The following JPT1 variants were observed in gnomAD, a reference collection of about 807,000 sequenced individuals.
The protein encoded by JPT1 is androgen-regulated protein 2.
Under a neutral mutation model 17.0 loss-of-function variants are expected in JPT1, and 5 were observed. The observed-to-expected ratio is 0.29, with a 90% CI of 0.15 to 0.62. The LOEUF is 0.62. JPT1 is among the 20% of genes least tolerant of loss of function. JPT1 has a pLI of 0.85. For missense variants in JPT1, 158 were observed against 188.1 expected (o/e 0.84, Z 0.94); for synonymous variants, 71 against 73.6 (o/e 0.96, Z 0.18).
At chr17:75,152,224 G>A (rs2074565744) in intron 1 of JPT1, among the ~76,000 whole-genome samples, 1 of 152,082 alleles carries the variant, frequency 6.6e-6, no homozygotes, top group Admixed American at 6.6e-5. Context: ...AATCATACAC[G>A]ACAACTAAAT....
rs2074189882 is a variant in JPT1, at chr17:75,136,118, C to G, written c.449G>C (p.Ser150Thr). The change falls in exon 5 of 5, where the codon AGC becomes ACC. Residue 150 changes from serine (S) to threonine (T), a missense_variant. Physicochemically the swap from Ser to Thr is moderately conservative, Grantham distance 58. Transcript: ENST00000409753. The part of the protein sequence containing the change: ...SRRNPPGGKS[S>T]LVLG ...CAGTCAGAGCTAACCCAAGACGAGGCTGGACTTGCCGCCAGGGGGATTTCT... is the reference window on the plus strand; with the variant it reads ...CAGTCAGAGCTAACCCAAGACGAGGGTGGACTTGCCGCCAGGGGGATTTCT... The G allele has an allele frequency of 6.2e-7, 1 of 1,614,224 alleles. No individual in the cohort carries two copies. Among genetic ancestry groups the G allele is most frequent in the East Asian group, 2.2e-5 (1 of 44,888 alleles).
Position 75,136,261 on chromosome 17 carries a change from A to G in JPT1, c.317-11T>C. ...CTGTGTCCACATTTTCTATGAAAACAGGGAATAGAAATAATACTCATAATG... is the reference window on the plus strand; with the variant it reads ...CTGTGTCCACATTTTCTATGAAAACGGGGAATAGAAATAATACTCATAATG... On this transcript the variant is annotated splice_polypyrimidine_tract_variant and intron_variant, in intron 4 of 4. Transcript: ENST00000409753. 2 of 1,567,898 alleles carry G rather than the reference A, an allele frequency of 1.3e-6. No individual in the cohort carries two copies. Among genetic ancestry groups the G allele is most frequent in the African/African-American group, 1.4e-5 (1 of 73,350 alleles).
rs1294633749 is a variant in JPT1 at position 75,154,453 on chromosome 17, C to A, written c.-56G>T. Reference sequence around the variant, plus strand: ...GAGCAGAACGCTCAAAGGGTCGGACCCGAGGGGCGCTGGGAAACTCCACAC... The same window carrying A: ...GAGCAGAACGCTCAAAGGGTCGGACACGAGGGGCGCTGGGAAACTCCACAC... On this transcript the variant is annotated 5_prime_UTR_variant, in exon 1 of 5. Transcript: ENST00000409753. The A allele has an allele frequency of 2.8e-5, 42 of 1,497,506 alleles. No homozygotes were observed. The highest frequency in any genetic ancestry group is 3.4e-5 in the Non-Finnish European group (38 of 1,110,400). 92.8% of individuals were successfully genotyped at this position (1,497,506 alleles called of 1,614,324 possible). A position where few individuals can be genotyped will look rare whatever the true frequency, so the allele number is the denominator to read the frequency against.
At chr17:75,147,199 G>A (rs2074456415) in intron 3 of JPT1, among the ~76,000 whole-genome samples, 1 of 151,400 alleles carries the variant, frequency 6.6e-6, no homozygotes, top group Non-Finnish European at 1.5e-5. Flanking sequence ...GTATTCAACT[G>A]CAGACACAAC....
chr17:75,142,401 A>G (rs76586607), intron 4 of JPT1, among the ~76,000 whole-genome samples: 2 of 146,844 alleles, frequency 1.4e-5, no homozygotes, highest in African/African-American at 5.0e-5. Context: ...CTCTACTAAT[A>G]AAAAAAAAAT....
intron 1 of JPT1, chr17:75,153,710 TG>T (rs2074588951): frequency 6.6e-6 from 1 of 152,360 alleles, no homozygotes; most frequent in South Asian, 2.1e-4. Context: ...GAAGAACGAT[TG>T]GGTCCTCAAT....
intron 4 of JPT1, among the ~76,000 whole-genome samples, chr17:75,141,900 C>CTATTTT (rs1378399917): frequency 1.3e-5 from 2 of 151,866 alleles, no homozygotes; most frequent in African/African-American, 4.8e-5. Context: ...GAAACTCCGT[C>CTATTTT]TCTACTAAAA....
intron 2 of JPT1, chr17:75,148,042 A>T (rs2074475217): frequency 4.4e-6 from 1 of 227,370 alleles, no homozygotes; most frequent in Non-Finnish European, 8.8e-6. Context: ...AATTGACGTT[A>T]TGTGTTAGTC....
intron 4 of JPT1, among the ~76,000 whole-genome samples, chr17:75,140,332 C>A (rs1054983998): frequency 6.6e-6 from 1 of 151,530 alleles, no homozygotes; most frequent in Admixed American, 6.6e-5. Flanking sequence ...ACATTTTAGA[C>A]ACTCCTGGTC....
intron 4 of JPT1, 115 bp downstream of exon 4, chr17:75,146,551 G>C: frequency 1.4e-6 from 1 of 715,446 alleles, no homozygotes; most frequent in Non-Finnish European, 2.4e-6. Context: ...GGCACTTGGG[G>C]CATGGCCAGG....
chr17:75,137,528 G>GTT (rs1555650493), intron 4 of JPT1, among the ~76,000 whole-genome samples: 3,168 of 133,122 alleles, frequency 0.024, 115 homozygotes, highest in African/African-American at 0.1. Context: ...GGCTATTTTT[G>GTT]TTTTTTTTTT....
intron 1 of JPT1, chr17:75,154,116 C>T (rs1161511019): frequency 3.9e-6 from 1 of 254,254 alleles, no homozygotes; most frequent in Non-Finnish European, 7.3e-6. Flanking sequence ...GCCCCTGACT[C>T]CGTGGAAGGA....
intron 1 of JPT1, among the ~76,000 whole-genome samples, chr17:75,151,741 G>A (rs1358220639): frequency 3.3e-5 from 5 of 152,084 alleles, no homozygotes; most frequent in Admixed American, 6.6e-5. Flanking sequence ...AGGCCGAGGC[G>A]GGCGGATCAC....
intron 2 of JPT1, chr17:75,147,903 G>A (rs1156482617): frequency 9.6e-6 from 4 of 418,046 alleles, no homozygotes; most frequent in African/African-American, 7.9e-5. Flanking sequence ...GGAGGCTGAG[G>A]CAGAAGAATC....
At chr17:75,146,359 T>G (rs1430317335) in intron 4 of JPT1, 2 of 262,630 alleles carry the variant, frequency 7.6e-6, no homozygotes, top group Non-Finnish European at 1.4e-5. Context: ...TCACCATGTT[T>G]CCAGGCTGGT....
intron 4 of JPT1, among the ~76,000 whole-genome samples, chr17:75,143,519 A>G (rs1323488981): frequency 1.3e-5 from 2 of 152,170 alleles, no homozygotes; most frequent in East Asian, 1.9e-4. Flanking sequence ...AGATCATGCC[A>G]TTGCACTCCA....
chr17:75,149,000 T>C (rs2074492254), intron 1 of JPT1: 2 of 1,270,038 alleles, frequency 1.6e-6, no homozygotes, highest in Non-Finnish European at 2.0e-6. Context: ...CTTACTCTAC[T>C]GGGCTTGGCT....
chr17:75,154,419 C>T lies in JPT1; in HGVS notation c.-22G>A, dbSNP rs2074603325. 3.2e-6 allele frequency: 5 copies of T among 1,547,172 alleles called. No homozygotes were observed. The highest frequency in any genetic ancestry group is 4.4e-6 in the Non-Finnish European group (5 of 1,145,346). ...TCATGGCGCCGAGGAGCGAGGTAGG[C>T]TGGCGCCGGAGCAGAACGCTCAAAG... On this transcript the variant is annotated 5_prime_UTR_variant, in exon 1 of 5. Coordinates refer to ENST00000409753, the MANE Select transcript of JPT1 (RefSeq NM_016185.4).
At chr17:75,143,618 C>A (rs1453324744) in intron 4 of JPT1, among the ~76,000 whole-genome samples, 3 of 151,472 alleles carry the variant, frequency 2.0e-5, no homozygotes, top group Non-Finnish European at 4.4e-5. Flanking sequence ...GGTGGATCAC[C>A]TGAGGTCAGG....
Sources: allele counts gnomAD v4.1 joint callset (sites outside exome capture counted in the v4.1 genomes callset), GRCh38; gene constraint gnomAD v4.1.1; transcripts MANE v1.5; gene names NCBI Gene and HGNC (gene_info 2026-07-23, HGNC 2026-07-21).